Variants in FRMD4A observed in about 807,000 individuals in gnomAD.
FRMD4A encodes FERM domain-containing protein 4A.
Under a neutral mutation model 129.1 loss-of-function variants are expected in FRMD4A, and 29 were observed. The observed-to-expected ratio is 0.22, with a 90% CI of 0.17 to 0.31. The LOEUF (loss-of-function observed/expected upper bound fraction) is 0.31. FRMD4A is among the 10% of genes least tolerant of loss of function. FRMD4A has a pLI of 1.00. For synonymous variants in FRMD4A, 634 were observed against 571.6 expected, an observed-to-expected ratio of 1.11 and a Z score of -1.56; for missense variants, 1,272 against 1,375.8, an observed-to-expected ratio of 0.92 and a Z score of 1.19.
At chr10:14,102,574 A>C (rs1837365226) in intron 2 of FRMD4A, among the ~76,000 whole-genome samples, 1 of 152,212 alleles carries the variant, frequency 6.6e-6, no homozygotes, top group South Asian at 2.1e-4. Flanking sequence ...CCCACAATGC[A>C]GTGGTTATCT....
chr10:14,182,263 G>C (rs1424027764), intron 2 of FRMD4A, among the ~76,000 whole-genome samples: 3 of 152,134 alleles, frequency 2.0e-5, no homozygotes, highest in Non-Finnish European at 4.4e-5. Context: ...AGAGAGATAG[G>C]GTGCAGTAGC....
In FRMD4A at chr10:14,148,606, A is replaced by G. The variant is rs181906404; in HGVS notation, c.45+181452T>C. Among the ~76,000 whole-genome samples the G allele has an allele frequency of 4.0e-3, 610 of 152,232 alleles. 4 individuals are homozygous for G. The highest frequency in any genetic ancestry group is 0.014 in the African/African-American group (592 of 41,534). On this transcript the variant is annotated intron_variant, in intron 2 of 24. Transcript: ENST00000357447. ...GTGAAACCCTGTTTCTACTAAAAAT[A>G]CAAAAAATTAGCCAGGCATGGTGGC...
chr10:14,257,255 C>A (rs545274396), intron 2 of FRMD4A, among the ~76,000 whole-genome samples: 1 of 152,248 alleles, frequency 6.6e-6, no homozygotes, highest in African/African-American at 2.4e-5. Context: ...CACTTGAACC[C>A]AAGAGGTGGA....
chr10:13,884,188 A>ACTCT (rs1273130550), intron 2 of FRMD4A, among the ~76,000 whole-genome samples: 17 of 97,032 alleles, frequency 1.8e-4, no homozygotes, highest in African/African-American at 2.5e-4. Context: ...ACACACACAC[A>ACTCT]CACACACTCA....
At chr10:14,223,647 G>A (rs945215230) in intron 2 of FRMD4A, among the ~76,000 whole-genome samples, 2 of 150,790 alleles carry the variant, frequency 1.3e-5, no homozygotes, top group African/African-American at 4.9e-5. Flanking sequence ...AGGCTGAGGT[G>A]AGAGGATCAT....
intron 15 of FRMD4A, among the ~76,000 whole-genome samples, chr10:13,683,637 G>C (rs560035976): frequency 6.6e-6 from 1 of 151,468 alleles, no homozygotes; most frequent in Non-Finnish European, 1.5e-5. Flanking sequence ...AGTAGTTGCC[G>C]TAGAAGGTGG....
intron 2 of FRMD4A, among the ~76,000 whole-genome samples, chr10:14,079,668 A>G (rs1330641504): frequency 6.6e-6 from 1 of 152,154 alleles, no homozygotes; most frequent in Non-Finnish European, 1.5e-5. Context: ...TACGTCAAAC[A>G]CCCACGACAC....
At chr10:14,312,031 A>G (rs1846567021) in intron 2 of FRMD4A, among the ~76,000 whole-genome samples, 1 of 152,200 alleles carries the variant, frequency 6.6e-6, no homozygotes, top group African/African-American at 2.4e-5. Flanking sequence ...TCTGTTCAGT[A>G]AAATGTGCAA....
chr10:13,853,993 A>G (rs557082899), intron 3 of FRMD4A, among the ~76,000 whole-genome samples: 2 of 152,064 alleles, frequency 1.3e-5, no homozygotes, highest in Admixed American at 6.5e-5. Flanking sequence ...GTGAGACAGG[A>G]TATCTACAGT....
chr10:13,885,707 C>T (rs1304531188), intron 2 of FRMD4A, among the ~76,000 whole-genome samples: 1 of 152,210 alleles, frequency 6.6e-6, no homozygotes, highest in African/African-American at 2.4e-5. Flanking sequence ...AACAGTAGCC[C>T]TTGTTACAAC....
At position 14,038,060 on chromosome 10, in the gene FRMD4A, C is replaced by T. The variant is rs572250538; in HGVS notation, c.46-179148G>A. ...ATTTAAGGCCGGTCGCGGTGGCTCA[C>T]GCCAGTAATCCCAGCATTTTGGGAG... On this transcript the variant is annotated intron_variant, in intron 2 of 24. Coordinates refer to ENST00000357447, the MANE Select transcript of FRMD4A (RefSeq NM_018027.5). Among the ~76,000 whole-genome samples the T allele has an allele frequency of 5.9e-5, 9 of 152,312 alleles. No homozygotes were observed. In the South Asian group the frequency reaches 6.2e-4, roughly 11 times the overall value.
intron 15 of FRMD4A, among the ~76,000 whole-genome samples, chr10:13,687,296 A>T (rs2085179010): frequency 6.6e-6 from 1 of 152,118 alleles, no homozygotes; most frequent in Admixed American, 6.5e-5. Flanking sequence ...ACTCCATCTC[A>T]AAAAACAAAA....
At chr10:14,283,315 G>A (rs886845484) in intron 2 of FRMD4A, among the ~76,000 whole-genome samples, 1 of 152,200 alleles carries the variant, frequency 6.6e-6, no homozygotes, top group Non-Finnish European at 1.5e-5. Flanking sequence ...TTTTGTGGTT[G>A]TTAAGTAGCA....
intron 2 of FRMD4A, among the ~76,000 whole-genome samples, chr10:13,926,757 T>C (rs1252288867): frequency 6.6e-6 from 1 of 152,156 alleles, no homozygotes; most frequent in Non-Finnish European, 1.5e-5. Flanking sequence ...TACACGACAA[T>C]GTACAAGGAT....
chr10:14,056,515 A>G (rs897715445), intron 2 of FRMD4A, among the ~76,000 whole-genome samples: 1 of 150,930 alleles, frequency 6.6e-6, no homozygotes, highest in Non-Finnish European at 1.5e-5. Context: ...CTTTCTAACT[A>G]TATTTTTTTG....
intron 3 of FRMD4A, among the ~76,000 whole-genome samples, chr10:13,829,410 A>G (rs1161742116): frequency 6.6e-6 from 1 of 152,104 alleles, no homozygotes; most frequent in Non-Finnish European, 1.5e-5. Flanking sequence ...CTGTGGTCCC[A>G]GCACAGGAGT....
chr10:14,189,382 T>C (rs537100845), intron 2 of FRMD4A, among the ~76,000 whole-genome samples: 163 of 152,308 alleles, frequency 1.1e-3, no homozygotes, highest in Non-Finnish European at 1.7e-3. Context: ...AAGACCAGCC[T>C]GACCAATATG....
intron 2 of FRMD4A, among the ~76,000 whole-genome samples, chr10:14,039,455 A>AATCAATCT (rs1240372534): frequency 2.1e-3 from 137 of 64,670 alleles, no homozygotes; most frequent in Non-Finnish European, 2.4e-3. Context: ...AAAATCAATC[A>AATCAATCT]ATCTATCTAT....
chr10:13,788,693 A>C (rs2092925082), intron 5 of FRMD4A, among the ~76,000 whole-genome samples: 4 of 152,220 alleles, frequency 2.6e-5, no homozygotes, highest in Admixed American at 2.6e-4. Context: ...GCAACAGCCC[A>C]CCCAAACTAG....
Sources: gnomAD v4.1 joint callset for allele counts (sites outside exome capture counted in the v4.1 genomes callset) on GRCh38, gnomAD v4.1.1 for gene constraint, MANE v1.5 for transcripts, NCBI Gene and HGNC (gene_info 2026-07-23, HGNC 2026-07-21) for gene names.